DLGAP2: variants seen among roughly 807,000 people sequenced by gnomAD.
The protein encoded by DLGAP2 is DLG associated protein 2, also known as disks large-associated protein 2.
A neutral mutation model predicts 100.3 loss-of-function variants in DLGAP2; 26 were observed. That is an observed-to-expected ratio of 0.26 (90% CI 0.19 to 0.36). The LOEUF is 0.36. Among genes scored for constraint, DLGAP2 ranks in the 10% least tolerant of loss-of-function variants. The pLI, the probability that DLGAP2 is intolerant of heterozygous loss-of-function variation, is 1.00. For missense variants in DLGAP2, 1,858 were observed against 1,453.2 expected (o/e 1.28, Z -4.53); for synonymous variants, 886 against 630.1 (o/e 1.41, Z -6.08).
intron 3 of DLGAP2, among the ~76,000 whole-genome samples, chr8:1,443,158 C>T (rs973911583): frequency 2.6e-5 from 4 of 152,130 alleles, no homozygotes; most frequent in African/African-American, 7.2e-5. Flanking sequence ...ATAATCATTA[C>T]AGAAAAACTT....
chr8:1,340,903 TAAA>T (rs933708631), intron 3 of DLGAP2, among the ~76,000 whole-genome samples: 3 of 152,120 alleles, frequency 2.0e-5, no homozygotes, highest in Non-Finnish European at 4.4e-5. Flanking sequence ...TATGCAGACA[TAAA>T]AAAGAATGAA....
chr8:1,012,309 T>C (rs987210808), intron 2 of DLGAP2, among the ~76,000 whole-genome samples: 1 of 152,198 alleles, frequency 6.6e-6, no homozygotes, highest in Non-Finnish European at 1.5e-5. Flanking sequence ...ACAGTTAAAA[T>C]AGAAGACGAA....
At chr8:779,467 C>CTTT (rs35954348) in intron 1 of DLGAP2, among the ~76,000 whole-genome samples, 2 of 142,224 alleles carry the variant, frequency 1.4e-5, no homozygotes, top group South Asian at 2.3e-4. Flanking sequence ...TTCTTTCTTT[C>CTTT]TTTTTTTTTT....
chr8:837,076 A>T (rs1206949219), intron 1 of DLGAP2, among the ~76,000 whole-genome samples: 1 of 152,182 alleles, frequency 6.6e-6, no homozygotes, highest in South Asian at 2.1e-4. Context: ...ACCACGTCCC[A>T]TCTCCTGGTC....
chr8:1,164,721 G>C (rs1263198454), intron 2 of DLGAP2, among the ~76,000 whole-genome samples: 2 of 152,116 alleles, frequency 1.3e-5, no homozygotes, highest in East Asian at 1.9e-4. Context: ...TTGTCTTTCT[G>C]ACTCCTCCAG....
intron 3 of DLGAP2, among the ~76,000 whole-genome samples, chr8:1,436,673 T>C (rs994431105): frequency 6.6e-6 from 1 of 152,004 alleles, no homozygotes. Context: ...GTGTGTAGAG[T>C]CTACAGTAGC....
intron 5 of DLGAP2, among the ~76,000 whole-genome samples, chr8:1,558,032 A>G (rs978542154): frequency 6.6e-6 from 1 of 152,206 alleles, no homozygotes; most frequent in Non-Finnish European, 1.5e-5. Flanking sequence ...CATGCCCTGG[A>G]GAGACTCAGC....
chr8:1,154,530 AAATT>A (rs1456896792), intron 2 of DLGAP2, among the ~76,000 whole-genome samples: 1 of 152,212 alleles, frequency 6.6e-6, no homozygotes, highest in Non-Finnish European at 1.5e-5. Flanking sequence ...CTGAGAAACT[AAATT>A]AAGCAATTTT....
chr8:980,589 G>A (rs1183691364), intron 2 of DLGAP2, among the ~76,000 whole-genome samples: 1 of 152,188 alleles, frequency 6.6e-6, no homozygotes, highest in Non-Finnish European at 1.5e-5. Flanking sequence ...CGTGCTGTGT[G>A]CTGTCCATGG....
At chr8:1,451,402 C>G (rs1003488188) in intron 3 of DLGAP2, among the ~76,000 whole-genome samples, 1 of 152,164 alleles carries the variant, frequency 6.6e-6, no homozygotes, top group Admixed American at 6.5e-5. Flanking sequence ...CCTGCCAGAC[C>G]TGAGGTTTGC....
chr8:1,181,881 C>T (rs558642432), intron 2 of DLGAP2, among the ~76,000 whole-genome samples: 8 of 152,290 alleles, frequency 5.3e-5, no homozygotes, highest in Non-Finnish European at 1.0e-4. Context: ...ACTTTGCCAT[C>T]GTCCCTGCAA....
chr8:1,425,994 A>G (rs946527988), intron 3 of DLGAP2, among the ~76,000 whole-genome samples: 1 of 152,252 alleles, frequency 6.6e-6, no homozygotes, highest in Non-Finnish European at 1.5e-5. Flanking sequence ...AGAACATGCT[A>G]CACCTGCAAG....
At chr8:1,493,103 C>G (rs908821460) in intron 3 of DLGAP2, among the ~76,000 whole-genome samples, 30 of 152,214 alleles carry the variant, frequency 2.0e-4, no homozygotes, top group Non-Finnish European at 3.1e-4. Flanking sequence ...CACAAGGTGA[C>G]AACGAGCTCA....
At chr8:1,373,780 G>GC (rs1332494195) in intron 3 of DLGAP2, 4 of 152,244 alleles carry the variant, frequency 2.6e-5, no homozygotes, top group African/African-American at 9.7e-5. Context: ...CACAAACGTA[G>GC]CCTGCAAGGA....
intron 3 of DLGAP2, among the ~76,000 whole-genome samples, chr8:1,270,514 C>T (rs538135699): frequency 1.8e-4 from 27 of 152,312 alleles, no homozygotes; most frequent in Admixed American, 4.6e-4. Flanking sequence ...AATGCAGGCT[C>T]TAAGCCCAGC....
intron 3 of DLGAP2, among the ~76,000 whole-genome samples, chr8:1,465,477 A>G (rs1798599887): frequency 6.6e-6 from 1 of 150,526 alleles, no homozygotes; most frequent in Non-Finnish European, 1.5e-5. Flanking sequence ...AGTGGCTCCC[A>G]GAACTCTGGG....
chr8:945,194 A>G (rs577479204), intron 2 of DLGAP2, among the ~76,000 whole-genome samples: 1 of 152,320 alleles, frequency 6.6e-6, no homozygotes, highest in East Asian at 1.9e-4. Context: ...GGTTTATAAA[A>G]AGTGTGAGCA....
chr8:1,640,382 G>C (rs138232192), intron 8 of DLGAP2, among the ~76,000 whole-genome samples: 1,812 of 151,448 alleles, frequency 0.012, 21 homozygotes, highest in Non-Finnish European at 0.019. Context: ...ACCTGCTGCT[G>C]ACATCACGTC....
chr8:1,389,502 C>T (rs958736660), intron 3 of DLGAP2, among the ~76,000 whole-genome samples: 2 of 152,122 alleles, frequency 1.3e-5, no homozygotes, highest in African/African-American at 4.8e-5. Flanking sequence ...TAAGGGCACT[C>T]AGAGCTGGAA....
Sources: allele counts gnomAD v4.1 joint callset (sites outside exome capture counted in the v4.1 genomes callset), GRCh38; gene constraint gnomAD v4.1.1; transcripts MANE v1.5; gene names NCBI Gene and HGNC (gene_info 2026-07-23, HGNC 2026-07-21).